Variants in SMOC1 observed in about 807,000 individuals in gnomAD.
SMOC1 encodes SPARC-related modular calcium-binding protein 1.
SMOC1 carries 22 observed loss-of-function variants against 56.3 expected under a neutral mutation model. The observed-to-expected ratio is 0.39, with a 90% confidence interval of 0.28 to 0.56. SMOC1 has a LOEUF of 0.56. Ranked by LOEUF, SMOC1 falls within the 20% of genes least tolerant of loss-of-function variation. The pLI, the probability that SMOC1 is intolerant of heterozygous loss-of-function variation, is 0.61. For missense variants in SMOC1, 509 were observed against 565.4 expected, an observed-to-expected ratio of 0.90 and a Z score of 1.01; for synonymous variants, 193 against 215.0, an observed-to-expected ratio of 0.90 and a Z score of 0.89.
intron 1 of SMOC1, among the ~76,000 whole-genome samples, chr14:69,947,833 C>G (rs1429467721): frequency 6.6e-6 from 1 of 152,238 alleles, no homozygotes; most frequent in Non-Finnish European, 1.5e-5. Context: ...GGCTGCTGTA[C>G]TGGACAGCAC....
chr14:69,916,986 T>A (rs1884703315), intron 1 of SMOC1, among the ~76,000 whole-genome samples: 1 of 152,238 alleles, frequency 6.6e-6, no homozygotes, highest in Non-Finnish European at 1.5e-5. Context: ...TTTCTCAGAC[T>A]GACCATGCAT....
At chr14:70,001,263 T>G (rs1884959669) in intron 7 of SMOC1, among the ~76,000 whole-genome samples, 1 of 152,138 alleles carries the variant, frequency 6.6e-6, no homozygotes, top group Non-Finnish European at 1.5e-5. Context: ...CCAGACTTGC[T>G]AAGGGCCTTG....
intron 7 of SMOC1, among the ~76,000 whole-genome samples, chr14:70,004,613 T>C (rs1885082601): frequency 6.6e-6 from 1 of 152,262 alleles, no homozygotes; most frequent in Non-Finnish European, 1.5e-5. Context: ...CCTGAATTTC[T>C]AGCCTATTGG....
intron 5 of SMOC1, among the ~76,000 whole-genome samples, chr14:69,981,366 A>T (rs936767613): frequency 6.6e-6 from 1 of 151,954 alleles, no homozygotes; most frequent in African/African-American, 2.4e-5. Flanking sequence ...TGTTTAACGA[A>T]CTCCTTTATG....
chr14:69,938,441 G>A (rs1317913205), intron 1 of SMOC1, among the ~76,000 whole-genome samples: 7 of 152,152 alleles, frequency 4.6e-5, no homozygotes, highest in African/African-American at 1.2e-4. Flanking sequence ...CAAGAATCCC[G>A]TGTAGTGGCG....
chr14:69,944,851 A>G (rs1289257647), intron 1 of SMOC1, among the ~76,000 whole-genome samples: 2 of 152,216 alleles, frequency 1.3e-5, no homozygotes, highest in African/African-American at 4.8e-5. Context: ...TATGGGTACT[A>G]TCTCAGCCAT....
chr14:69,938,253 A>C (rs901564815), intron 1 of SMOC1, among the ~76,000 whole-genome samples: 4 of 152,036 alleles, frequency 2.6e-5, no homozygotes, highest in Non-Finnish European at 4.4e-5. Context: ...AGAGTATAGT[A>C]CTCTGCCTCT....
intron 10 of SMOC1, among the ~76,000 whole-genome samples, chr14:70,014,042 C>T (rs947616676): frequency 3.9e-5 from 6 of 152,198 alleles, no homozygotes; most frequent in African/African-American, 1.4e-4. Context: ...TGCACATGCT[C>T]CCCAGTAACC....
intron 3 of SMOC1, among the ~76,000 whole-genome samples, chr14:69,956,313 G>T (rs1397275532): frequency 6.6e-6 from 1 of 152,144 alleles, no homozygotes; most frequent in Non-Finnish European, 1.5e-5. Context: ...TGCTTTTCCC[G>T]CTGATCAAAG....
At chr14:69,917,709 T>G (rs1219268933) in intron 1 of SMOC1, among the ~76,000 whole-genome samples, 5 of 152,226 alleles carry the variant, frequency 3.3e-5, no homozygotes, top group African/African-American at 1.2e-4. Flanking sequence ...TCACCTTCTT[T>G]TCAAAAATGG....
intron 11 of SMOC1, among the ~76,000 whole-genome samples, chr14:70,024,999 T>A (rs1454241535): frequency 2.0e-5 from 3 of 151,818 alleles, no homozygotes; most frequent in Non-Finnish European, 1.5e-5. Flanking sequence ...AGTGGGTGAT[T>A]GGAGATCAAG....
At chr14:69,912,594 G>GAAAA (rs1884582784) in intron 1 of SMOC1, among the ~76,000 whole-genome samples, 1 of 152,204 alleles carries the variant, frequency 6.6e-6, no homozygotes, top group South Asian at 2.1e-4. Flanking sequence ...AATTCCAGCT[G>GAAAA]TAGACTATTC....
At chr14:69,960,321 C>T (rs1340673701) in intron 3 of SMOC1, among the ~76,000 whole-genome samples, 1 of 152,148 alleles carries the variant, frequency 6.6e-6, no homozygotes, top group East Asian at 1.9e-4. Context: ...AGTACTGAGA[C>T]CTGGGGTGCA....
intron 1 of SMOC1, among the ~76,000 whole-genome samples, chr14:69,904,010 G>C (rs142980434): frequency 6.6e-6 from 1 of 152,130 alleles, no homozygotes; most frequent in Non-Finnish European, 1.5e-5. Flanking sequence ...AGGTCGTCTC[G>C]GACCTCAGCC....
intron 1 of SMOC1, among the ~76,000 whole-genome samples, chr14:69,936,577 G>A (rs554499727): frequency 7.2e-5 from 11 of 152,318 alleles, no homozygotes; most frequent in African/African-American, 1.4e-4. Context: ...GGCAAGCTTC[G>A]CTCAGTCCCT....
chr14:69,938,761 C>T (rs934840599), intron 1 of SMOC1, among the ~76,000 whole-genome samples: 6 of 152,154 alleles, frequency 3.9e-5, no homozygotes, highest in African/African-American at 1.2e-4. Flanking sequence ...ACTGTGATAT[C>T]GGAGGTCTTA....
At chr14:70,020,265 C>A (rs956299065) in intron 10 of SMOC1, among the ~76,000 whole-genome samples, 15 of 152,008 alleles carry the variant, frequency 9.9e-5, no homozygotes, top group African/African-American at 3.4e-4. Context: ...GAGCTCACAT[C>A]TTTGTGTAGG....
intron 7 of SMOC1, among the ~76,000 whole-genome samples, chr14:70,000,332 C>T (rs1884920413): frequency 6.6e-6 from 1 of 152,194 alleles, no homozygotes; most frequent in East Asian, 1.9e-4. Context: ...TTTGCTAGAA[C>T]TTGCTCTTAA....
chr14:69,955,739 G>A (rs909372291), intron 3 of SMOC1, among the ~76,000 whole-genome samples: 2 of 152,080 alleles, frequency 1.3e-5, no homozygotes, highest in Non-Finnish European at 2.9e-5. Flanking sequence ...TTGGAAAATG[G>A]ATGAACTCTT....
Sources: allele counts gnomAD v4.1 joint callset (sites outside exome capture counted in the v4.1 genomes callset), GRCh38; gene constraint gnomAD v4.1.1; transcripts MANE v1.5; gene names NCBI Gene and HGNC (gene_info 2026-07-23, HGNC 2026-07-21).